Variants in NTF3 observed in about 807,000 individuals in gnomAD.
NTF3 encodes the protein neurotrophin 3.
NTF3 carries 8 observed loss-of-function variants against 26.3 expected under a neutral mutation model. The observed-to-expected ratio is 0.30, with a 90% confidence interval of 0.18 to 0.55. The LOEUF (loss-of-function observed/expected upper bound fraction) is 0.55, where lower values mean the gene tolerates loss of function less well. Ranked by LOEUF, NTF3 falls within the 20% of genes least tolerant of loss-of-function variation. NTF3 has a pLI of 0.93. For synonymous variants in NTF3, 154 were observed against 145.5 expected, an observed-to-expected ratio of 1.06 and a Z score of -0.42; for missense variants, 276 against 352.9, an observed-to-expected ratio of 0.78 and a Z score of 1.75.
At chr12:5,447,984 G>T (rs930518144) in intron 1 of NTF3, among the ~76,000 whole-genome samples, 1 of 152,204 alleles carries the variant, frequency 6.6e-6, no homozygotes, top group East Asian at 1.9e-4. Flanking sequence ...AGTAAAAATG[G>T]TGTCCAGGAA....
intron 1 of NTF3, among the ~76,000 whole-genome samples, chr12:5,485,194 G>T (rs1255589396): frequency 6.6e-6 from 1 of 152,198 alleles, no homozygotes; most frequent in Non-Finnish European, 1.5e-5. Flanking sequence ...AATTGGTGAC[G>T]CAAGCCTTAG....
chr12:5,493,761 A>G (rs1037078483), intron 1 of NTF3, among the ~76,000 whole-genome samples: 2 of 152,120 alleles, frequency 1.3e-5, no homozygotes, highest in African/African-American at 4.8e-5. Flanking sequence ...CTTTCTTGAG[A>G]CAATTACAAG....
At chr12:5,464,814 C>G (rs1390216421) in intron 1 of NTF3, among the ~76,000 whole-genome samples, 1 of 152,094 alleles carries the variant, frequency 6.6e-6, no homozygotes, top group Non-Finnish European at 1.5e-5. Context: ...ATCCTATGTG[C>G]TTGATATAGG....
chr12:5,442,093 G>A (rs1224576634), intron 1 of NTF3, among the ~76,000 whole-genome samples: 3 of 152,226 alleles, frequency 2.0e-5, no homozygotes, highest in African/African-American at 7.2e-5. Flanking sequence ...GATGAATGTA[G>A]TGCTGCTGGC....
chr12:5,456,138 G>A lies in NTF3; in HGVS notation c.18+23796G>A, dbSNP rs138709644. On this transcript the variant is annotated intron_variant, in intron 1 of 1. Coordinates refer to ENST00000423158, the MANE Select transcript of NTF3 (RefSeq NM_001102654.2). This position sits in a 1 kb window ranked among gnomAD's most constrained non-coding sequence, Gnocchi z 4.4. ...TGAGGTTGAGCTTTCCTTAGCAGGA[G>A]CACTGGTCACTTGGGCTGGGATGGT... 7.7e-4 allele frequency among the ~76,000 whole-genome samples: 118 copies of A among 152,350 alleles called. No homozygotes were observed. Among genetic ancestry groups the A allele is most frequent in the African/African-American group, 8.4e-4 (35 of 41,584 alleles).
intron 1 of NTF3, among the ~76,000 whole-genome samples, chr12:5,451,981 C>G (rs940134323): frequency 6.6e-6 from 1 of 152,174 alleles, no homozygotes; most frequent in Non-Finnish European, 1.5e-5. Flanking sequence ...GCGTGAGCGA[C>G]CATGCCCAGC....
chr12:5,451,151 T>G (rs913548287), intron 1 of NTF3, among the ~76,000 whole-genome samples: 2 of 152,208 alleles, frequency 1.3e-5, no homozygotes, highest in Non-Finnish European at 2.9e-5. Context: ...TACCTCAAGT[T>G]TCTCATCTGT....
intron 1 of NTF3, among the ~76,000 whole-genome samples, chr12:5,481,847 AT>A (rs1940808032): frequency 7.9e-6 from 1 of 126,822 alleles, no homozygotes; most frequent in African/African-American, 3.1e-5. Context: ...ACACATGCAC[AT>A]GCACACACAA....
rs17786917 is a variant in NTF3, at chr12:5,446,076, T to C, written c.18+13734T>C. ...AACAGGGTGCAGACACCTATTTATA[T>C]GTGTCATCGTAGTTCCCCTGACAGC... On this transcript the variant is annotated intron_variant, in intron 1 of 1. Transcript: ENST00000423158. Among the ~76,000 whole-genome samples the C allele has an allele frequency of 2.9e-3, 439 of 152,312 alleles. 12 individuals are homozygous for C. The highest frequency in any genetic ancestry group is 0.023 in the Admixed American group (358 of 15,302).
In NTF3 at chr12:5,433,929, A is replaced by G. The variant is rs1375188575; in HGVS notation, c.18+1587A>G. ...ATGTTTGTAACTCAGCTGATTATGG[A>G]GTGCACTGAGCGACCTGCTTTTTAA... On this transcript the variant is annotated intron_variant, in intron 1 of 1. Coordinates refer to ENST00000423158, the MANE Select transcript of NTF3 (RefSeq NM_001102654.2). The surrounding 1 kb of genome is among the most constrained non-coding windows in gnomAD (Gnocchi z 4.6). 1.3e-5 allele frequency among the ~76,000 whole-genome samples: 2 copies of G among 152,088 alleles called. No individual in the cohort carries two copies. Among genetic ancestry groups the G allele is most frequent in the African/African-American group, 2.4e-5 (1 of 41,420 alleles).
At chr12:5,453,281 T>G (rs959885672) in intron 1 of NTF3, among the ~76,000 whole-genome samples, 1 of 152,254 alleles carries the variant, frequency 6.6e-6, no homozygotes, top group Non-Finnish European at 1.5e-5. Flanking sequence ...AGCACTGTGA[T>G]GTATGTGTGA....
chr12:5,471,419 T>A (rs1016281814), intron 1 of NTF3, among the ~76,000 whole-genome samples: 3 of 152,170 alleles, frequency 2.0e-5, no homozygotes, highest in African/African-American at 7.2e-5. Flanking sequence ...TTCTGTTCCC[T>A]CCAAGAATAC....
intron 1 of NTF3, among the ~76,000 whole-genome samples, chr12:5,464,451 G>A (rs1940563372): frequency 1.3e-5 from 2 of 152,168 alleles, no homozygotes; most frequent in South Asian, 2.1e-4. Flanking sequence ...ATACAAAGAG[G>A]TTGTGTGAAA....
chr12:5,472,023 T>C (rs1216049695), intron 1 of NTF3, among the ~76,000 whole-genome samples: 1 of 152,190 alleles, frequency 6.6e-6, no homozygotes, highest in Non-Finnish European at 1.5e-5. Context: ...TTTTGATAAC[T>C]GTGCGGTCTG....
chr12:5,442,841 G>A (rs942549840), intron 1 of NTF3, among the ~76,000 whole-genome samples: 2 of 152,332 alleles, frequency 1.3e-5, no homozygotes, highest in South Asian at 2.1e-4. Context: ...GCCGCTGTGC[G>A]AGGTGCCGTG....
intron 1 of NTF3, among the ~76,000 whole-genome samples, chr12:5,474,481 C>G (rs1940699872): frequency 6.6e-6 from 1 of 152,142 alleles, no homozygotes; most frequent in African/African-American, 2.4e-5. Flanking sequence ...TTGGAAAACC[C>G]AGGTCCCTCG....
At chr12:5,468,234 C>T (rs1489306197) in intron 1 of NTF3, among the ~76,000 whole-genome samples, 1 of 152,188 alleles carries the variant, frequency 6.6e-6, no homozygotes, top group Non-Finnish European at 1.5e-5. Flanking sequence ...ATATATTACA[C>T]AGGTTGTATG....
chr12:5,493,939 A>G (rs1311713847), intron 1 of NTF3, among the ~76,000 whole-genome samples: 2 of 152,154 alleles, frequency 1.3e-5, no homozygotes, highest in African/African-American at 4.8e-5. Flanking sequence ...CGCAGGATAA[A>G]GCAGACATCC....
At chr12:5,490,146 G>A (rs538702096) in intron 1 of NTF3, among the ~76,000 whole-genome samples, 2 of 152,240 alleles carry the variant, frequency 1.3e-5, no homozygotes, top group East Asian at 1.9e-4. Context: ...GACCATGGCC[G>A]ACTTCAGAGC....
Sources: gnomAD v4.1 joint callset for allele counts (sites outside exome capture counted in the v4.1 genomes callset) on GRCh38, gnomAD v4.1.1 for gene constraint, Gnocchi (gnomAD v3.1) non-coding constraint, MANE v1.5 for transcripts, NCBI Gene and HGNC (gene_info 2026-07-23, HGNC 2026-07-21) for gene names.